ASB3: variants seen among roughly 807,000 people sequenced by gnomAD.
ASB3 encodes the protein ankyrin repeat and SOCS box containing 3.
In ASB3, 41 loss-of-function variants were observed where a neutral mutation model predicts 54.5. That is an observed-to-expected ratio of 0.75 (90% CI 0.59 to 0.98). The LOEUF (loss-of-function observed/expected upper bound fraction) is 0.98, where lower values mean the gene tolerates loss of function less well. ASB3 is among the 50% of genes least tolerant of loss of function. The pLI, the probability that ASB3 is intolerant of heterozygous loss-of-function variation, is 0.00. For synonymous variants in ASB3, 266 were observed against 221.2 expected, an observed-to-expected ratio of 1.20 and a Z score of -1.80; for missense variants, 733 against 620.0, an observed-to-expected ratio of 1.18 and a Z score of -1.94.
chr2:53,695,552 C>A (rs555597959), intron 8 of ASB3, among the ~76,000 whole-genome samples: 50 of 152,028 alleles, frequency 3.3e-4, no homozygotes, highest in Non-Finnish European at 1.2e-4. Flanking sequence ...TGACCAAACA[C>A]AAAGTCATTT....
At chr2:53,740,274 CT>C (rs948318439) in intron 3 of ASB3, among the ~76,000 whole-genome samples, 8 of 152,058 alleles carry the variant, frequency 5.3e-5, no homozygotes, top group Admixed American at 1.3e-4. Context: ...TTATGTAAAA[CT>C]TTTTTCCCCC....
chr2:53,681,381 T>C (rs1055600177), intron 9 of ASB3, among the ~76,000 whole-genome samples: 2 of 152,234 alleles, frequency 1.3e-5, no homozygotes, highest in Admixed American at 6.5e-5. Context: ...CTTGATGTGA[T>C]CCCCTATGTC....
chr2:53,675,261 AGT>A (rs1668026024), intron 9 of ASB3, among the ~76,000 whole-genome samples: 1 of 152,226 alleles, frequency 6.6e-6, no homozygotes, highest in Non-Finnish European at 1.5e-5. Flanking sequence ...AAATTAGTAA[AGT>A]CTCTGACCAC....
At chr2:53,785,945 CTTCT>C (rs1674956099) in intron 1 of ASB3, among the ~76,000 whole-genome samples, 2 of 152,112 alleles carry the variant, frequency 1.3e-5, no homozygotes, top group Non-Finnish European at 2.9e-5. Flanking sequence ...AGAAAGTTAT[CTTCT>C]TTGATACTAT....
chr2:53,705,295 G>A lies in ASB3; in HGVS notation c.981-4767C>T, dbSNP rs78341998. ...TACAAGTCTCACATGAAAGAAAATC[G>A]CTCATATGCCCTTTCGATAGCACAA... is the stretch of plus-strand genomic sequence containing the variant. On this transcript the variant is annotated intron_variant, in intron 7 of 9. Transcript: ENST00000263634. Among the ~76,000 whole-genome samples the A allele has an allele frequency of 9.8e-3, 1,484 of 152,116 alleles. 12 individuals carry two copies. The highest frequency in any genetic ancestry group is 0.015 in the Non-Finnish European group (989 of 67,978).
At chr2:53,777,257 T>G (rs371098434) in intron 1 of ASB3, among the ~76,000 whole-genome samples, 15 of 152,194 alleles carry the variant, frequency 9.9e-5, no homozygotes, top group Admixed American at 8.5e-4. Flanking sequence ...CCCTTTCCAA[T>G]TCAACTTTAC....
chr2:53,784,075 T>C (rs1252945922), intron 1 of ASB3, among the ~76,000 whole-genome samples: 1 of 152,248 alleles, frequency 6.6e-6, no homozygotes, highest in Non-Finnish European at 1.5e-5. Context: ...AGGAAGCTAA[T>C]AGGATACCTT....
At chr2:53,771,236 C>G (rs1187225207) in intron 1 of ASB3, among the ~76,000 whole-genome samples, 4 of 152,062 alleles carry the variant, frequency 2.6e-5, no homozygotes, top group Non-Finnish European at 5.9e-5. Context: ...AACTATAGGC[C>G]GGGTGCGGTG....
intron 1 of ASB3, among the ~76,000 whole-genome samples, chr2:53,782,459 G>C (rs1674702753): frequency 6.6e-6 from 1 of 152,096 alleles, no homozygotes; most frequent in Non-Finnish European, 1.5e-5. Context: ...GCAGAGGAAG[G>C]ACGTAGGACT....
intron 3 of ASB3, among the ~76,000 whole-genome samples, chr2:53,744,445 A>G (rs1478629694): frequency 1.3e-5 from 2 of 151,868 alleles, no homozygotes; most frequent in Non-Finnish European, 2.9e-5. Flanking sequence ...AGTTGTATCA[A>G]GAACCATAAA....
intron 9 of ASB3, among the ~76,000 whole-genome samples, chr2:53,672,025 T>C (rs929265694): frequency 2.5e-4 from 38 of 152,300 alleles, no homozygotes; most frequent in African/African-American, 8.7e-4. Flanking sequence ...CTAATACCCA[T>C]AGGGCTTGAG....
intron 5 of ASB3, among the ~76,000 whole-genome samples, chr2:53,718,706 A>G (rs1027484134): frequency 6.6e-6 from 1 of 152,034 alleles, no homozygotes; most frequent in Admixed American, 6.6e-5. Flanking sequence ...AGATCATACA[A>G]ATCTTTCGCC....
chr2:53,699,145 C>T (rs72793655), intron 8 of ASB3, among the ~76,000 whole-genome samples: 2,893 of 152,264 alleles, frequency 0.019, 34 homozygotes, highest in Admixed American at 0.029. Context: ...GGTCATCACT[C>T]GGTGAGAGAA....
Position 53,692,887 on chromosome 2 carries a change from T to C in ASB3, c.1369+997A>G, listed in dbSNP as rs1039529427. 7.2e-5 allele frequency among the ~76,000 whole-genome samples: 11 copies of C among 152,298 alleles called. No individual in the cohort carries two copies. In the East Asian group the frequency reaches 2.1e-3, roughly 29 times the overall value. Reference sequence around the variant, plus strand: ...CAACATTATCATTAAAGAAATTCTATACTAGAAGGCTGAAAGACTCCAAAT... The same window carrying C: ...CAACATTATCATTAAAGAAATTCTACACTAGAAGGCTGAAAGACTCCAAAT... On this transcript the variant is annotated intron_variant, in intron 9 of 9. Coordinates refer to ENST00000263634, the MANE Select transcript of ASB3 (RefSeq NM_016115.5).
At chr2:53,777,386 C>T (rs1404333216) in intron 1 of ASB3, among the ~76,000 whole-genome samples, 1 of 152,212 alleles carries the variant, frequency 6.6e-6, no homozygotes, top group African/African-American at 2.4e-5. Context: ...TCAAGCATCC[C>T]ATGTCACTAA....
chr2:53,746,561 T>C (rs1672237363), intron 3 of ASB3, among the ~76,000 whole-genome samples: 1 of 151,318 alleles, frequency 6.6e-6, no homozygotes, highest in Non-Finnish European at 1.5e-5. Context: ...TACTGCAATG[T>C]CCGCCCTCCC....
intron 3 of ASB3, among the ~76,000 whole-genome samples, chr2:53,742,615 A>G (rs1416328976): frequency 1.3e-5 from 2 of 152,184 alleles, no homozygotes; most frequent in Non-Finnish European, 2.9e-5. Flanking sequence ...AGGAAATGAT[A>G]TAATTTAAAC....
chr2:53,674,166 T>C (rs80039703), intron 9 of ASB3, among the ~76,000 whole-genome samples: 1 of 152,324 alleles, frequency 6.6e-6, no homozygotes, highest in African/African-American at 2.4e-5. Context: ...CATACTTTCA[T>C]GAAAACCTAT....
chr2:53,752,322 T>A (rs1243900067), intron 2 of ASB3, among the ~76,000 whole-genome samples: 1 of 152,120 alleles, frequency 6.6e-6, no homozygotes, highest in Non-Finnish European at 1.5e-5. Flanking sequence ...ATTAGGCATG[T>A]GGACACATTG....
Sources: gnomAD v4.1 joint callset for allele counts (sites outside exome capture counted in the v4.1 genomes callset) on GRCh38, gnomAD v4.1.1 for gene constraint, MANE v1.5 for transcripts, NCBI Gene and HGNC (gene_info 2026-07-23, HGNC 2026-07-21) for gene names.